Variants in PPP1R3C observed in about 807,000 individuals in gnomAD.
The protein encoded by PPP1R3C is protein phosphatase 1 regulatory subunit 3C, also known as PP1 subunit R5.
Under a neutral mutation model 29.3 loss-of-function variants are expected in PPP1R3C, and 20 were observed. The ratio of observed to expected loss-of-function variants is 0.68; its 90% CI spans 0.48 to 0.99. PPP1R3C has a LOEUF of 0.99. PPP1R3C is among the 50% of genes least tolerant of loss of function. PPP1R3C has a pLI of 0.00. For missense variants in PPP1R3C, 321 were observed against 386.0 expected (o/e 0.83, Z 1.41); for synonymous variants, 123 against 143.1 (o/e 0.86, Z 1.00).
In PPP1R3C at chr10:91,628,786, T is replaced by A. The variant is rs1848681948; in HGVS notation, c.*1141A>T. 1 of 152,410 alleles carries A rather than the reference T, an allele frequency of 6.6e-6. No homozygotes were observed. Among genetic ancestry groups the A allele is most frequent in the South Asian group, 2.1e-4 (1 of 4,830 alleles). The allele number at this position is 152,410 out of a possible 1,614,324, so 9.4% of individuals were successfully genotyped here. Reference sequence around the variant, plus strand: ...TTTTAAAAAAAAGAAAACAGCAAGATGAAAATAGGCAAGGGATGGGTTGCT... The same window carrying A: ...TTTTAAAAAAAAGAAAACAGCAAGAAGAAAATAGGCAAGGGATGGGTTGCT... On this transcript the variant is annotated 3_prime_UTR_variant, in exon 2 of 2. Transcript: ENST00000238994.
rs779394516 is a variant in PPP1R3C at position 91,630,331 on chromosome 10, C to T, written c.550G>A (p.Val184Ile). ...GAATCGAAAGTGATACGGATCTGAA[C>T]TTTCTTCTCAAAACTCACATTTTTG... Reference protein sequence around the residue: ...KVKNVSFEKKVQIRITFDSWK... With the variant: ...KVKNVSFEKKIQIRITFDSWK... The change falls in exon 2 of 2, where the codon GTT (valine) becomes ATT (isoleucine). Residue 184 changes from valine to isoleucine, a missense_variant. By Grantham distance (29) the Val-to-Ile change is conservative. Transcript: ENST00000238994. The surrounding 1 kb of genome is among the most constrained non-coding windows in gnomAD (Gnocchi z 4.4). The T allele has an allele frequency of 3.7e-6, 6 of 1,614,060 alleles. No individual in the cohort carries two copies. The South Asian group carries it at 5.5e-5, about 15-fold the overall frequency.
Position 91,630,853 on chromosome 10 carries a change from A to C in PPP1R3C, c.28T>G (p.Leu10Val). 6.2e-7 allele frequency: 1 copy of C among 1,611,766 alleles called. No individual in the cohort carries two copies. Residue 10 changes from leucine to valine, a missense_variant, in exon 2 of 2, where the codon TTA (leucine) becomes GTA (valine). Transcript: ENST00000238994. The surrounding 1 kb of genome is among the most constrained non-coding windows in gnomAD (Gnocchi z 4.4). MSCTRMIQV[L>V]DPRPLTSSVM... ...GAACTTGTCAAAGGACGTGGATCTA[A>C]AACCTGGATCATTCTGGAATGCAAA...
Position 91,630,991 on chromosome 10 carries a change from C to T in PPP1R3C, c.15-125G>A. ...CAGTGCACTAGATATCAGGCAGGTGCTATCATATGTAGTAAAAGAGAACAG... is the reference window on the plus strand; with the variant it reads ...CAGTGCACTAGATATCAGGCAGGTGTTATCATATGTAGTAAAAGAGAACAG... On this transcript the variant is annotated intron_variant, in intron 1 of 1. Coordinates refer to ENST00000238994, the MANE Select transcript of PPP1R3C (RefSeq NM_005398.7). The surrounding 1 kb of genome is among the most constrained non-coding windows in gnomAD (Gnocchi z 4.4). 1.2e-6 allele frequency: 1 copy of T among 812,626 alleles called. No homozygotes were observed. Among genetic ancestry groups the T allele is most frequent in the Non-Finnish European group, 2.1e-6 (1 of 484,896 alleles). 50.3% of individuals were successfully genotyped at this position (812,626 alleles called of 1,614,324 possible). A position where few individuals can be genotyped will look rare whatever the true frequency, so the allele number is the denominator to read the frequency against.
At chr10:91,632,788 C>A (rs904962457) in intron 1 of PPP1R3C, among the ~76,000 whole-genome samples, 168 bp downstream of exon 1, 3 of 152,152 alleles carry the variant, frequency 2.0e-5, no homozygotes, top group African/African-American at 7.2e-5. Flanking sequence ...AGCCAAATTT[C>A]TACACCTCCA....
In PPP1R3C at chr10:91,628,866, C is replaced by G. The variant is rs776880053; in HGVS notation, c.*1061G>C. On this transcript the variant is annotated 3_prime_UTR_variant, in exon 2 of 2. Coordinates refer to ENST00000238994, the MANE Select transcript of PPP1R3C (RefSeq NM_005398.7). ...CATTGAGAATCCTAGTGTCGGGCCTCACGTCAAGCATCACATCAAAAAAGT... is the reference window on the plus strand; with the variant it reads ...CATTGAGAATCCTAGTGTCGGGCCTGACGTCAAGCATCACATCAAAAAAGT... The G allele has an allele frequency of 1.3e-5, 2 of 152,522 alleles. No individual in the cohort carries two copies. The highest frequency in any genetic ancestry group is 2.9e-5 in the Non-Finnish European group (2 of 68,040). The allele number at this position is 152,522 out of a possible 1,614,324, so 9.4% of individuals were successfully genotyped here. A position where few individuals can be genotyped will look rare whatever the true frequency, so the allele number is the denominator to read the frequency against.
In PPP1R3C at chr10:91,629,670, G is replaced by A; in HGVS notation, c.*257C>T. The A allele has an allele frequency of 5.8e-6, 3 of 513,834 alleles. No homozygotes were observed. The highest frequency in any genetic ancestry group is 5.2e-4 in the Middle Eastern group (1 of 1,928). 31.8% of individuals were successfully genotyped at this position (513,834 alleles called of 1,614,324 possible). On this transcript the variant is annotated 3_prime_UTR_variant, in exon 2 of 2. Transcript: ENST00000238994. ...AGTGGATTGAGAGGGAAGGAAGAAGGGAACTGAAAAAGTATTACCTTTATA... is the reference window on the plus strand; with the variant it reads ...AGTGGATTGAGAGGGAAGGAAGAAGAGAACTGAAAAAGTATTACCTTTATA...
chr10:91,632,873 T>A (rs965611434), intron 1 of PPP1R3C, 83 bp downstream of exon 1: 32 of 1,541,440 alleles, frequency 2.1e-5, no homozygotes, highest in Non-Finnish European at 2.5e-5. Flanking sequence ...TTTCCAGAGA[T>A]GATAGAACTG....
intron 1 of PPP1R3C, among the ~76,000 whole-genome samples, chr10:91,631,884 C>T (rs1208170728): frequency 6.6e-6 from 1 of 152,018 alleles, no homozygotes; most frequent in Non-Finnish European, 1.5e-5. Context: ...TATCTATTTT[C>T]GTTTTTGTTC....
intron 1 of PPP1R3C, among the ~76,000 whole-genome samples, chr10:91,631,989 G>C (rs1848722152): frequency 6.6e-6 from 1 of 152,130 alleles, no homozygotes; most frequent in African/African-American, 2.4e-5. Context: ...ATTAAACCAA[G>C]AAGCATCTAT....
In PPP1R3C at chr10:91,630,202, G is replaced by C; in HGVS notation, c.679C>G (p.Pro227Ala). The C allele has an allele frequency of 6.2e-7, 1 of 1,614,190 alleles. No individual in the cohort carries two copies. The highest frequency in any genetic ancestry group is 8.5e-7 in the Non-Finnish European group (1 of 1,180,046). ...CAGAACTCAATTTTCTGCTCAGTTG[G>C]AATGACAGGGGGTAAGTCAATGGCA... ...SFAIDLPPVI[P>A]TEQKIEFCIS... The change falls in exon 2 of 2, where the codon CCA (proline) becomes GCA (alanine). Residue 227 changes from proline to alanine, a missense_variant. Pro to Ala is a conservative substitution (Grantham distance 27). Coordinates refer to ENST00000238994, the MANE Select transcript of PPP1R3C (RefSeq NM_005398.7). The surrounding 1 kb of genome is among the most constrained non-coding windows in gnomAD (Gnocchi z 4.4).
At position 91,629,170 on chromosome 10, in the gene PPP1R3C, C is replaced by G. The variant is rs377754835; in HGVS notation, c.*757G>C. The G allele has an allele frequency of 2.6e-5, 4 of 152,196 alleles. No individual in the cohort carries two copies. Among genetic ancestry groups the G allele is most frequent in the Non-Finnish European group, 5.9e-5 (4 of 68,062 alleles). The allele number at this position is 152,196 out of a possible 1,614,324, so 9.4% of individuals were successfully genotyped here. On this transcript the variant is annotated 3_prime_UTR_variant, in exon 2 of 2. Transcript: ENST00000238994. Reference sequence around the variant, plus strand: ...TTAATGATGGCATGGTTTTTCTATACCAAGCATTCTATAACAAGAACCCAA... The same window carrying G: ...TTAATGATGGCATGGTTTTTCTATAGCAAGCATTCTATAACAAGAACCCAA...
chr10:91,632,365 A>C lies in PPP1R3C; in HGVS notation c.14+591T>G, dbSNP rs1848725660. ...AAGCTATGTCTGGAGAAGCTATTTA[A>C]AGTAGTTTTATGGGAGGTTTTTTTT... On this transcript the variant is annotated intron_variant, in intron 1 of 1. Transcript: ENST00000238994. 2.0e-5 allele frequency among the ~76,000 whole-genome samples: 3 copies of C among 151,950 alleles called. No individual in the cohort carries two copies. The South Asian group carries it at 6.2e-4, about 32-fold the overall frequency.
rs1564769375 is a variant in PPP1R3C at position 91,630,215 on chromosome 10, T to C, written c.666A>G (p.Leu222=). Residue 222 remains leucine (L), a synonymous_variant, in exon 2 of 2, where the codon TTA becomes TTG. Transcript: ENST00000238994. The surrounding 1 kb of genome is among the most constrained non-coding windows in gnomAD (Gnocchi z 4.4). ...DSDTFSFAID[L]PPVIPTEQKI... is the part of the protein sequence containing the mutation. ...TCTGCTCAGTTGGAATGACAGGGGG[T>C]AAGTCAATGGCAAATGAGAAGGTAT... is the stretch of plus-strand genomic sequence containing the variant. 1.2e-6 allele frequency: 2 copies of C among 1,614,146 alleles called. No homozygotes were observed.
At chr10:91,631,723 T>G (rs1848719969) in intron 1 of PPP1R3C, among the ~76,000 whole-genome samples, 1 of 152,184 alleles carries the variant, frequency 6.6e-6, no homozygotes, top group Non-Finnish European at 1.5e-5. Flanking sequence ...CAAGTCCACA[T>G]TTAAGTGGAA....
Position 91,630,589 on chromosome 10 carries a change from T to A in PPP1R3C, c.292A>T (p.Ile98Phe). 1.9e-6 allele frequency: 3 copies of A among 1,613,650 alleles called. No individual in the cohort carries two copies. The highest frequency in any genetic ancestry group is 2.5e-6 in the Non-Finnish European group (3 of 1,179,630). The change falls in exon 2 of 2, where the codon ATC becomes TTC. Residue 98 changes from isoleucine to phenylalanine, a missense_variant. Transcript: ENST00000238994. This position sits in a 1 kb window ranked among gnomAD's most constrained non-coding sequence, Gnocchi z 4.4. Reference sequence around the variant, plus strand: ...TCTGGGAGGTCGGAGAAGACATGGATCGCAGTGAGAGAGAGGCCCTTGGAG... The same window carrying A: ...TCTGGGAGGTCGGAGAAGACATGGAACGCAGTGAGAGAGAGGCCCTTGGAG... ...ADSKGLSLTA[I>F]HVFSDLPEEP...
At chr10:91,631,417 T>C (rs1371150110) in intron 1 of PPP1R3C, among the ~76,000 whole-genome samples, 2 of 152,128 alleles carry the variant, frequency 1.3e-5, no homozygotes, top group African/African-American at 4.8e-5. Context: ...GTGATTCTAA[T>C]GACCAGACAG....
rs914691558 is a variant in PPP1R3C, at chr10:91,629,785, T to C, written c.*142A>G. On this transcript the variant is annotated 3_prime_UTR_variant, in exon 2 of 2. Transcript: ENST00000238994. ...CCCCAACACTAAATTCTCAAGTGTC[T>C]TTCTTTTCCATAGCCAGGTCTCAAA... The C allele has an allele frequency of 4.4e-6, 4 of 912,598 alleles. No homozygotes were observed. Among genetic ancestry groups the C allele is most frequent in the Non-Finnish European group, 6.8e-6 (4 of 585,242 alleles). 56.5% of individuals were successfully genotyped at this position (912,598 alleles called of 1,614,324 possible).
chr10:91,632,443 A>G (rs971669003), intron 1 of PPP1R3C, among the ~76,000 whole-genome samples: 1 of 146,944 alleles, frequency 6.8e-6, no homozygotes, highest in Non-Finnish European at 1.5e-5. Flanking sequence ...AGACAGTTTT[A>G]GTTTGGGTGA....
chr10:91,628,968 T>C lies in PPP1R3C; in HGVS notation c.*959A>G, dbSNP rs1225815016. The C allele has an allele frequency of 1.3e-5, 2 of 152,222 alleles. No individual in the cohort carries two copies. Among genetic ancestry groups the C allele is most frequent in the African/African-American group, 2.4e-5 (1 of 41,408 alleles). 9.4% of individuals were successfully genotyped at this position (152,222 alleles called of 1,614,324 possible). A position where few individuals can be genotyped will look rare whatever the true frequency, so the allele number is the denominator to read the frequency against. ...GACAACGGTCTCAAAGATACAACAT[T>C]ATTGCAGGAGGAATGCCTGTGTACA... On this transcript the variant is annotated 3_prime_UTR_variant, in exon 2 of 2. Transcript: ENST00000238994.
Sources: gnomAD v4.1 joint callset for allele counts (sites outside exome capture counted in the v4.1 genomes callset) on GRCh38, gnomAD v4.1.1 for gene constraint, Gnocchi (gnomAD v3.1) non-coding constraint, MANE v1.5 for transcripts, NCBI Gene and HGNC (gene_info 2026-07-23, HGNC 2026-07-21) for gene names.